Variants in ASAP1 observed in about 807,000 individuals in gnomAD.
ASAP1 encodes arf-GAP with SH3 domain, ANK repeat and PH domain-containing protein 1.
Under a neutral mutation model 145.2 loss-of-function variants are expected in ASAP1, and 43 were observed. The observed-to-expected ratio is 0.30, with a 90% CI of 0.23 to 0.38. The LOEUF (loss-of-function observed/expected upper bound fraction) is 0.38, where lower values mean the gene tolerates loss of function less well. Among genes scored for constraint, ASAP1 ranks in the 10% least tolerant of loss-of-function variants. The pLI is 1.00. For synonymous variants in ASAP1, 546 were observed against 515.5 expected (o/e 1.06, Z -0.80); for missense variants, 1,018 against 1,355.3 (o/e 0.75, Z 3.91).
At chr8:130,244,097 T>C (rs545434874) in intron 3 of ASAP1, among the ~76,000 whole-genome samples, 9 of 152,288 alleles carry the variant, frequency 5.9e-5, no homozygotes, top group South Asian at 2.1e-4. Context: ...CAAGGGTGTA[T>C]AGATCACCCT....
At chr8:130,415,261 G>A (rs2138666613) in intron 1 of ASAP1, among the ~76,000 whole-genome samples, 1 of 151,488 alleles carries the variant, frequency 6.6e-6, no homozygotes, top group East Asian at 1.9e-4. Context: ...TTGAGGCTAG[G>A]AGTTCAAGAC....
intron 2 of ASAP1, among the ~76,000 whole-genome samples, chr8:130,369,564 G>GGTT (rs1827116115): frequency 1.3e-5 from 2 of 151,976 alleles, no homozygotes; most frequent in African/African-American, 4.8e-5. Flanking sequence ...TGGACAAAGG[G>GGTT]GTTAAATAGA....
intron 3 of ASAP1, among the ~76,000 whole-genome samples, chr8:130,281,257 T>C (rs917224938): frequency 2.0e-5 from 3 of 152,184 alleles, no homozygotes; most frequent in African/African-American, 7.2e-5. Flanking sequence ...AAAATTAGTA[T>C]TAGAGATCCG....
chr8:130,419,003 G>A (rs1205956536), intron 1 of ASAP1, among the ~76,000 whole-genome samples: 2 of 152,146 alleles, frequency 1.3e-5, no homozygotes, highest in Non-Finnish European at 2.9e-5. Flanking sequence ...GGCAGAAGCT[G>A]GAAATGGTGC....
At chr8:130,359,870 G>T (rs1018996983) in intron 2 of ASAP1, among the ~76,000 whole-genome samples, 1 of 151,208 alleles carries the variant, frequency 6.6e-6, no homozygotes, top group Non-Finnish European at 1.5e-5. Flanking sequence ...TGATCCACCC[G>T]CCTCGGCCTC....
Position 130,187,376 on chromosome 8 carries a change from T to A in ASAP1, c.481-91A>T, listed in dbSNP as rs896014698. The A allele has an allele frequency of 3.6e-6, 4 of 1,102,448 alleles. No individual in the cohort carries two copies. In the African/African-American group the frequency reaches 6.3e-5, roughly 17 times the overall value. 68.3% of individuals were successfully genotyped at this position (1,102,448 alleles called of 1,614,324 possible). On this transcript the variant is annotated intron_variant, in intron 6 of 29. Transcript: ENST00000518721. ...AAATGACATCTTAGCAAGAATTGTT[T>A]CCTTTATAGGACACTGGGAACTTCA...
Position 130,077,639 on chromosome 8 carries a change from G to C in ASAP1, c.2643-1233C>G, listed in dbSNP as rs941798237. On this transcript the variant is annotated intron_variant, in intron 26 of 29. Transcript: ENST00000518721. Reference sequence around the variant, plus strand: ...CAGCTCACTGCAACCTCTGCTTCCCGGGATCAAGCGATTCTTGTGCCTCAG... The same window carrying C: ...CAGCTCACTGCAACCTCTGCTTCCCCGGATCAAGCGATTCTTGTGCCTCAG... 4.8e-5 allele frequency among the ~76,000 whole-genome samples: 7 copies of C among 145,394 alleles called. No homozygotes were observed. In the East Asian group the frequency reaches 1.6e-3, roughly 33 times the overall value.
chr8:130,341,014 T>G (rs536008012), intron 3 of ASAP1: 235 of 414,818 alleles, frequency 5.7e-4, no homozygotes, highest in Admixed American at 1.3e-3. Flanking sequence ...AGGGGTGGTT[T>G]TTTAGAGTGT....
chr8:130,115,520 G>A, intron 23 of ASAP1, 108 bp downstream of exon 23: 2 of 846,002 alleles, frequency 2.4e-6, no homozygotes, highest in Non-Finnish European at 3.9e-6. Context: ...CTGATACATT[G>A]GATCATAAAA....
intron 3 of ASAP1, among the ~76,000 whole-genome samples, chr8:130,283,446 C>T (rs1821376465): frequency 6.6e-6 from 1 of 151,776 alleles, no homozygotes; most frequent in African/African-American, 2.4e-5. Flanking sequence ...CGCATGGTGG[C>T]ATGCGCGCCT....
intron 3 of ASAP1, among the ~76,000 whole-genome samples, chr8:130,325,018 G>C (rs1292886837): frequency 1.3e-5 from 2 of 152,160 alleles, no homozygotes; most frequent in Non-Finnish European, 2.9e-5. Flanking sequence ...AGCCCTGCTT[G>C]CAGGCCCTTC....
At chr8:130,342,501 AT>A (rs1825448221) in intron 3 of ASAP1, among the ~76,000 whole-genome samples, 1 of 152,144 alleles carries the variant, frequency 6.6e-6, no homozygotes, top group Non-Finnish European at 1.5e-5. Context: ...GATGCTCCAG[AT>A]AGCTGCTATT....
At chr8:130,304,756 C>T (rs1822890079) in intron 3 of ASAP1, among the ~76,000 whole-genome samples, 1 of 152,222 alleles carries the variant, frequency 6.6e-6, no homozygotes, top group Non-Finnish European at 1.5e-5. Flanking sequence ...CCACCTCATA[C>T]TCTCACAATC....
intron 3 of ASAP1, among the ~76,000 whole-genome samples, chr8:130,273,098 T>C (rs1190672198): frequency 1.3e-5 from 2 of 152,118 alleles, no homozygotes; most frequent in Non-Finnish European, 2.9e-5. Flanking sequence ...TAAGAAAATT[T>C]CACATGTACC....
chr8:130,176,208 T>C (rs533911723), intron 9 of ASAP1, among the ~76,000 whole-genome samples: 1 of 152,218 alleles, frequency 6.6e-6, no homozygotes, highest in Non-Finnish European at 1.5e-5. Context: ...CACTGTTGAA[T>C]ACCAGCTGAC....
intron 4 of ASAP1, among the ~76,000 whole-genome samples, chr8:130,232,187 C>G (rs962872009): frequency 2.0e-5 from 3 of 152,182 alleles, no homozygotes; most frequent in Non-Finnish European, 4.4e-5. Context: ...CTACTACATT[C>G]TATTCATTAG....
intron 24 of ASAP1, among the ~76,000 whole-genome samples, chr8:130,098,809 T>C (rs993872684): frequency 6.6e-6 from 1 of 152,198 alleles, no homozygotes; most frequent in Non-Finnish European, 1.5e-5. Flanking sequence ...TCCTTGCTTG[T>C]AGATTTTGAA....
chr8:130,227,561 CTCCAAACTATTTTTAA>C (rs1182786950), intron 4 of ASAP1, among the ~76,000 whole-genome samples: 3 of 151,786 alleles, frequency 2.0e-5, no homozygotes, highest in Non-Finnish European at 2.9e-5. Context: ...CACCTGGACT[CTCCAAACTATTTTTAA>C]TCATCAATCC....
intron 27 of ASAP1, among the ~76,000 whole-genome samples, chr8:130,064,009 G>C (rs2135101394): frequency 6.6e-6 from 1 of 152,268 alleles, no homozygotes; most frequent in Middle Eastern, 3.4e-3. Flanking sequence ...GTGTGGTCAG[G>C]GAAGGCCACT....
Sources: gnomAD v4.1 joint callset for allele counts (sites outside exome capture counted in the v4.1 genomes callset) on GRCh38, gnomAD v4.1.1 for gene constraint, MANE v1.5 for transcripts, NCBI Gene and HGNC (gene_info 2026-07-23, HGNC 2026-07-21) for gene names.